Variants in ADAMTS16 observed in about 807,000 individuals in gnomAD.
ADAMTS16 encodes A disintegrin and metalloproteinase with thrombospondin motifs 16.
Under a neutral mutation model 145.8 loss-of-function variants are expected in ADAMTS16, and 94 were observed. The ratio of observed to expected loss-of-function variants is 0.64; its 90% CI spans 0.55 to 0.77. ADAMTS16 has a LOEUF of 0.77. ADAMTS16 is among the 30% of genes least tolerant of loss of function. The pLI is 0.00. For synonymous variants in ADAMTS16, 659 were observed against 604.3 expected (o/e 1.09, Z -1.33); for missense variants, 1,585 against 1,591.5 (o/e 1.00, Z 0.07).
At chr5:5,311,719 G>A (rs901673778) in intron 21 of ADAMTS16, among the ~76,000 whole-genome samples, 2 of 148,030 alleles carry the variant, frequency 1.4e-5, no homozygotes, top group East Asian at 2.0e-4. Flanking sequence ...GCTAGTTTTT[G>A]TTTTTGTTTT....
At chr5:5,188,784 T>G (rs1014162895) in intron 6 of ADAMTS16, among the ~76,000 whole-genome samples, 1 of 152,170 alleles carries the variant, frequency 6.6e-6, no homozygotes, top group African/African-American at 2.4e-5. Flanking sequence ...GTCTGACTAG[T>G]CAGGGAAGAT....
At chr5:5,297,803 C>G (rs577986474) in intron 18 of ADAMTS16, among the ~76,000 whole-genome samples, 84 of 152,320 alleles carry the variant, frequency 5.5e-4, no homozygotes, top group Non-Finnish European at 1.1e-3. Context: ...TGTGCTTCAG[C>G]AAAGAAATCC....
At chr5:5,141,347 T>C (rs1255062284) in intron 2 of ADAMTS16, among the ~76,000 whole-genome samples, 1 of 152,208 alleles carries the variant, frequency 6.6e-6, no homozygotes, top group Non-Finnish European at 1.5e-5. Flanking sequence ...AACGTTCATA[T>C]CCTGGGCCAC....
chr5:5,213,622 G>C (rs928483743), intron 10 of ADAMTS16, among the ~76,000 whole-genome samples: 1 of 152,066 alleles, frequency 6.6e-6, no homozygotes, highest in Non-Finnish European at 1.5e-5. Flanking sequence ...AGGGCTCATC[G>C]CTTTCAGTTT....
intron 18 of ADAMTS16, among the ~76,000 whole-genome samples, chr5:5,270,463 T>G (rs1046396381): frequency 1.3e-5 from 2 of 152,146 alleles, no homozygotes; most frequent in East Asian, 1.9e-4. Flanking sequence ...AAGGTGAGGA[T>G]TCCACGTAAA....
intron 11 of ADAMTS16, chr5:5,223,436 A>G (rs1156286583): frequency 6.5e-6 from 1 of 154,340 alleles, no homozygotes; most frequent in African/African-American, 2.4e-5. Context: ...GGAGCTAAAC[A>G]CTGAGTACAC....
At chr5:5,285,153 A>T (rs34054693) in intron 18 of ADAMTS16, among the ~76,000 whole-genome samples, 14,798 of 152,014 alleles carry the variant, frequency 0.097, 760 homozygotes, top group South Asian at 0.16. Flanking sequence ...GTGTTTTTTT[A>T]AAAAAAATAA....
At chr5:5,293,970 G>C (rs892009769) in intron 18 of ADAMTS16, among the ~76,000 whole-genome samples, 2 of 152,186 alleles carry the variant, frequency 1.3e-5, no homozygotes, top group South Asian at 2.1e-4. Flanking sequence ...TCAGACAGGT[G>C]GGGGATGGAG....
intron 3 of ADAMTS16, among the ~76,000 whole-genome samples, chr5:5,154,525 A>G (rs1388137675): frequency 6.6e-6 from 1 of 152,218 alleles, no homozygotes; most frequent in African/African-American, 2.4e-5. Context: ...TTAGTTGTAA[A>G]CAAAAATTAG....
At chr5:5,253,299 T>C (rs1384436856) in intron 17 of ADAMTS16, among the ~76,000 whole-genome samples, 1 of 152,238 alleles carries the variant, frequency 6.6e-6, no homozygotes, top group Non-Finnish European at 1.5e-5. Context: ...TGTACATTGG[T>C]ACAGTCCGGT....
chr5:5,141,384 C>G (rs1296643042), intron 2 of ADAMTS16, among the ~76,000 whole-genome samples: 1 of 152,156 alleles, frequency 6.6e-6, no homozygotes, highest in African/African-American at 2.4e-5. Flanking sequence ...AAGTCTTATT[C>G]TTTTTCAATG....
intron 18 of ADAMTS16, among the ~76,000 whole-genome samples, chr5:5,298,220 G>A (rs894869609): frequency 1.3e-5 from 2 of 152,214 alleles, no homozygotes; most frequent in Admixed American, 1.3e-4. Context: ...TTTGATTTCT[G>A]ATATACTGAC....
intron 21 of ADAMTS16, among the ~76,000 whole-genome samples, chr5:5,314,935 T>C (rs552125648): frequency 7.9e-5 from 12 of 152,244 alleles, no homozygotes; most frequent in Non-Finnish European, 1.8e-4. Context: ...TCATTACTTA[T>C]GTCAAGTGCC....
At chr5:5,174,610 T>A (rs758714491) in intron 3 of ADAMTS16, among the ~76,000 whole-genome samples, 1 of 152,216 alleles carries the variant, frequency 6.6e-6, no homozygotes, top group Non-Finnish European at 1.5e-5. Context: ...ATTTTCTAGA[T>A]CTTGTAGGCA....
chr5:5,171,928 A>G (rs1043943487), intron 3 of ADAMTS16, among the ~76,000 whole-genome samples: 3 of 152,086 alleles, frequency 2.0e-5, no homozygotes, highest in Non-Finnish European at 2.9e-5. Context: ...ATTTTTAATC[A>G]TGGCTTTGAT....
intron 9 of ADAMTS16, among the ~76,000 whole-genome samples, chr5:5,203,714 T>C (rs1422768707): frequency 6.6e-6 from 1 of 152,214 alleles, no homozygotes; most frequent in East Asian, 1.9e-4. Context: ...TAGCTCATTA[T>C]TTTAAATTTC....
intron 9 of ADAMTS16, among the ~76,000 whole-genome samples, chr5:5,207,970 A>G (rs1736174701): frequency 6.6e-6 from 1 of 152,184 alleles, no homozygotes; most frequent in Non-Finnish European, 1.5e-5. Flanking sequence ...TATGAGAGAT[A>G]AGAAAAGCTT....
In ADAMTS16 at chr5:5,302,106, C is replaced by T. The variant is rs191073143; in HGVS notation, c.2790-1162C>T. Among the ~76,000 whole-genome samples the T allele has an allele frequency of 6.8e-3, 1,038 of 152,240 alleles. 37 individuals carry two copies. Among genetic ancestry groups the T allele is most frequent in the Admixed American group, 0.062 (948 of 15,300 alleles). The stretch of plus-strand genomic sequence containing the variant: ...CGCCATGTTTCCCCCTTCCTCTTGA[C>T]GGCCTCTCCAGGGTGCACACCAAGC... On this transcript the variant is annotated intron_variant, in intron 18 of 22. Transcript: ENST00000274181.
At chr5:5,248,287 G>T (rs1205577065) in intron 17 of ADAMTS16, among the ~76,000 whole-genome samples, 3 of 152,096 alleles carry the variant, frequency 2.0e-5, no homozygotes, top group Non-Finnish European at 4.4e-5. Flanking sequence ...TCTTCTTCTA[G>T]ACAGCCTGGC....
Sources: allele counts gnomAD v4.1 joint callset (sites outside exome capture counted in the v4.1 genomes callset), GRCh38; gene constraint gnomAD v4.1.1; transcripts MANE v1.5; gene names NCBI Gene and HGNC (gene_info 2026-07-23, HGNC 2026-07-21).